OR56A3: variants seen among roughly 807,000 people sequenced by gnomAD.
The protein encoded by OR56A3 is olfactory receptor family 56 subfamily A member 3.
Under a neutral mutation model 17.5 loss-of-function variants are expected in OR56A3, and 23 were observed. The observed-to-expected ratio is 1.32, with a 90% confidence interval of 0.95 to 1.87. OR56A3 has a LOEUF of 1.87. Ranked by LOEUF, OR56A3 falls within the 40% of genes most tolerant of loss-of-function variation. The probability of loss-of-function intolerance (pLI) is 0.00; values close to 1 mark genes in which losing one functional copy is unlikely to be tolerated. For synonymous variants in OR56A3, 175 were observed against 150.6 expected (o/e 1.16, Z -1.19); for missense variants, 366 against 380.1 (o/e 0.96, Z 0.31).
the OR56A3 span, among the ~76,000 whole-genome samples, chr11:5,969,930 G>A: frequency 3.4e-5 from 3 of 88,724 alleles, no homozygotes; most frequent in Non-Finnish European, 6.6e-5. Context: ...TATAAAGACA[G>A]TGAGACTAGT....
chr11:5,997,547 A>T, the OR56A3 span, among the ~76,000 whole-genome samples: 1 of 152,220 alleles, frequency 6.6e-6, no homozygotes, highest in African/African-American at 2.4e-5. Context: ...GCATAGGCCT[A>T]TTCTTCAGGG....
Position 5,947,440 on chromosome 11 carries a change from TC to T in OR56A3, c.97del (p.Leu33CysfsTer11). On this transcript the variant is annotated frameshift_variant, in exon 3 of 3. Coordinates refer to ENST00000641160, the MANE Select transcript of OR56A3 (RefSeq NM_001003443.3). LOFTEE classifies it high-confidence loss of function. ...ATCCCCCAGCTGGCAGCACTGGCTG[TC>T]CCTGCCCCTCAGCCTCCTTTTCCTC... The part of the protein sequence containing the change: ...VRSPSWQHWL[S>X]LPLSLLFLLA... 3 of 1,614,180 alleles carry T rather than the reference TC, an allele frequency of 1.9e-6. No homozygotes were observed. Among genetic ancestry groups the T allele is most frequent in the Non-Finnish European group, 2.5e-6 (3 of 1,180,006 alleles).
rs1451096176 is a variant in OR56A3 at position 5,951,144 on chromosome 11, A to T, written c.*2850A>T. The T allele has an allele frequency of 6.6e-6, 1 of 152,100 alleles. No homozygotes were observed. The highest frequency in any genetic ancestry group is 1.9e-4 in the East Asian group (1 of 5,192). 9.4% of individuals were successfully genotyped at this position (152,100 alleles called of 1,614,324 possible). Reference sequence around the variant, plus strand: ...GTTTTAGTTACTGGGTTTTTAAGACATATGGTCCTGAAATCCCACAGTGAC... The same window carrying T: ...GTTTTAGTTACTGGGTTTTTAAGACTTATGGTCCTGAAATCCCACAGTGAC... On this transcript the variant is annotated 3_prime_UTR_variant, in exon 3 of 3. Coordinates refer to ENST00000641160, the MANE Select transcript of OR56A3 (RefSeq NM_001003443.3).
At chr11:6,011,221 T>TATATATATATATATATATATATATATAC in the OR56A3 span, among the ~76,000 whole-genome samples, 1 of 149,184 alleles carries the variant, frequency 6.7e-6, no homozygotes, top group African/African-American at 2.4e-5. Context: ...TATATATATA[T>TATATATATATATATATATATATATATAC]ACACACATAT....
chr11:5,982,957 T>C, the OR56A3 span, among the ~76,000 whole-genome samples: 1 of 152,074 alleles, frequency 6.6e-6, no homozygotes, highest in Non-Finnish European at 1.5e-5. Flanking sequence ...CCAGCGTCTG[T>C]GTCCTCCCTC....
chr11:5,975,169 T>G, the OR56A3 span, among the ~76,000 whole-genome samples: 495 of 152,362 alleles, frequency 3.2e-3, 2 homozygotes, highest in African/African-American at 0.011. Flanking sequence ...GGCCTGGACC[T>G]GCTAGGAGTT....
At chr11:5,958,481 TA>T in the OR56A3 span, among the ~76,000 whole-genome samples, 1 of 152,096 alleles carries the variant, frequency 6.6e-6, no homozygotes, top group Non-Finnish European at 1.5e-5. Flanking sequence ...TTATTACAAG[TA>T]ATAAGAATAA....
the OR56A3 span, among the ~76,000 whole-genome samples, chr11:5,972,117 T>C: frequency 1.3e-5 from 2 of 152,348 alleles, no homozygotes; most frequent in Non-Finnish European, 2.9e-5. Flanking sequence ...CTAAGCCTCT[T>C]GGACTTGTGT....
chr11:6,003,738 T>A, the OR56A3 span, among the ~76,000 whole-genome samples: 1 of 152,152 alleles, frequency 6.6e-6, no homozygotes, highest in South Asian at 2.1e-4. Context: ...TGACACAACG[T>A]TGTGTGAAAT....
At chr11:6,010,529 G>A in the OR56A3 span, among the ~76,000 whole-genome samples, 3 of 152,190 alleles carry the variant, frequency 2.0e-5, no homozygotes, top group Non-Finnish European at 4.4e-5. Context: ...TGTTAGAACA[G>A]TGTTAAAAGT....
rs1847885159 is a variant in OR56A3, at chr11:5,948,124, C to G, written c.778C>G (p.Leu260Val). Reference sequence around the variant, plus strand: ...CATCCTCTTCTTCAGCACCATCCTTCTGGTTTTTGTCCTCACACATGTGGC... The same window carrying G: ...CATCCTCTTCTTCAGCACCATCCTTGTGGTTTTTGTCCTCACACATGTGGC... ...MLILFFSTIL[L>V]VFVLTHVAKK... Residue 260 changes from leucine (L) to valine (V), a missense_variant, in exon 3 of 3, where the codon CTG (leucine) becomes GTG (valine). Coordinates refer to ENST00000641160, the MANE Select transcript of OR56A3 (RefSeq NM_001003443.3). 6.2e-7 allele frequency: 1 copy of G among 1,614,246 alleles called. No individual in the cohort carries two copies. The highest frequency in any genetic ancestry group is 8.5e-7 in the Non-Finnish European group (1 of 1,180,040).
intron 1 of OR56A3, among the ~76,000 whole-genome samples, chr11:5,943,885 T>C (rs1219946724): frequency 6.6e-6 from 1 of 152,226 alleles, no homozygotes; most frequent in Non-Finnish European, 1.5e-5. Context: ...TTAAAGGGAA[T>C]ATGTGGAATT....
the OR56A3 span, among the ~76,000 whole-genome samples, chr11:5,998,807 G>C: frequency 6.6e-6 from 1 of 152,144 alleles, no homozygotes; most frequent in Non-Finnish European, 1.5e-5. Context: ...CACACTGTGT[G>C]GTCATGAATT....
chr11:5,959,924 T>A, the OR56A3 span, among the ~76,000 whole-genome samples: 1 of 152,220 alleles, frequency 6.6e-6, no homozygotes, highest in Non-Finnish European at 1.5e-5. Flanking sequence ...TTGAAAAATC[T>A]CCTTTTCCTC....
At chr11:5,970,576 C>T in the OR56A3 span, among the ~76,000 whole-genome samples, 6 of 151,550 alleles carry the variant, frequency 4.0e-5, no homozygotes, top group African/African-American at 1.5e-4. Context: ...AAACTGAATG[C>T]ACAGGTAGAA....
In OR56A3 at chr11:5,948,407, G is replaced by T; in HGVS notation, c.*113G>T. 1.5e-6 allele frequency: 1 copy of T among 670,280 alleles called. No individual in the cohort carries two copies. The highest frequency in any genetic ancestry group is 2.5e-6 in the Non-Finnish European group (1 of 392,364). The allele number at this position is 670,280 out of a possible 1,614,324, so 41.5% of individuals were successfully genotyped here. A position where few individuals can be genotyped will look rare whatever the true frequency, so the allele number is the denominator to read the frequency against. On this transcript the variant is annotated 3_prime_UTR_variant, in exon 3 of 3. Coordinates refer to ENST00000641160, the MANE Select transcript of OR56A3 (RefSeq NM_001003443.3). The stretch of plus-strand genomic sequence containing the variant: ...TTATAACCTCAAACTGGGTACACTA[G>T]ATATTGTGTGTGCTTTTCAAAAACA...
At chr11:6,014,831 C>T in the OR56A3 span, among the ~76,000 whole-genome samples, 3 of 151,760 alleles carry the variant, frequency 2.0e-5, no homozygotes, top group Non-Finnish European at 4.4e-5. Flanking sequence ...GCGTAAAGGT[C>T]ACCTTTGTTA....
chr11:5,971,432 T>G, the OR56A3 span, among the ~76,000 whole-genome samples: 1 of 152,238 alleles, frequency 6.6e-6, no homozygotes, highest in East Asian at 1.9e-4. Context: ...CATCTACGAT[T>G]GTGCTTTACA....
chr11:5,987,539 A>G, the OR56A3 span, among the ~76,000 whole-genome samples: 8 of 152,260 alleles, frequency 5.3e-5, 1 homozygote, highest in Middle Eastern at 0.027. Context: ...TGCTTTATGA[A>G]TATCTATACA....
Sources: allele counts gnomAD v4.1 joint callset (sites outside exome capture counted in the v4.1 genomes callset), GRCh38; gene constraint gnomAD v4.1.1; transcripts MANE v1.5; gene names NCBI Gene and HGNC (gene_info 2026-07-23, HGNC 2026-07-21).